Variants in NALF1 observed in about 807,000 individuals in gnomAD.
NALF1 encodes NALCN channel auxiliary factor 1.
A neutral mutation model predicts 48.4 loss-of-function variants in NALF1; 3 were observed. That is an observed-to-expected ratio of 0.06 (90% CI 0.03 to 0.16). NALF1 has a LOEUF of 0.16. Ranked by LOEUF, NALF1 falls within the 10% of genes least tolerant of loss-of-function variation. The pLI, the probability that NALF1 is intolerant of heterozygous loss-of-function variation, is 1.00. For synonymous variants in NALF1, 262 were observed against 245.7 expected (o/e 1.07, Z -0.62); for missense variants, 526 against 571.5 (o/e 0.92, Z 0.81).
At chr13:107,627,020 T>C (rs1047767648) in intron 1 of NALF1, among the ~76,000 whole-genome samples, 3 of 152,086 alleles carry the variant, frequency 2.0e-5, no homozygotes, top group Non-Finnish European at 1.5e-5. Flanking sequence ...TCTATGACAT[T>C]ATACAAGGAG....
At chr13:107,790,828 T>C (rs1189492453) in intron 1 of NALF1, among the ~76,000 whole-genome samples, 1 of 151,672 alleles carries the variant, frequency 6.6e-6, no homozygotes, top group East Asian at 1.9e-4. Context: ...AGTTATATAA[T>C]ATACAGGCTA....
intron 2 of NALF1, among the ~76,000 whole-genome samples, chr13:107,180,849 G>A (rs573106848): frequency 3.1e-4 from 47 of 151,756 alleles, no homozygotes; most frequent in Admixed American, 7.2e-4. Flanking sequence ...TTTATATGGC[G>A]TGAAATTTAT....
intron 1 of NALF1, among the ~76,000 whole-genome samples, chr13:107,223,632 C>T (rs138201986): frequency 4.4e-4 from 67 of 152,206 alleles, no homozygotes; most frequent in African/African-American, 1.5e-3. Context: ...AGAATTCCTC[C>T]CTAAAACATT....
chr13:107,611,857 G>A (rs1351846129), intron 1 of NALF1, among the ~76,000 whole-genome samples: 1 of 150,778 alleles, frequency 6.6e-6, no homozygotes, highest in African/African-American at 2.4e-5. Context: ...CAGGAGTTCG[G>A]GGTTACAGTG....
At chr13:107,832,729 C>T (rs1403078299) in intron 1 of NALF1, among the ~76,000 whole-genome samples, 1 of 152,152 alleles carries the variant, frequency 6.6e-6, no homozygotes, top group East Asian at 1.9e-4. Context: ...CCTTACAGGC[C>T]CCATCTGGTG....
At chr13:107,620,989 C>CGTGT (rs139779456) in intron 1 of NALF1, among the ~76,000 whole-genome samples, 9 of 149,808 alleles carry the variant, frequency 6.0e-5, no homozygotes, top group East Asian at 3.9e-4. Flanking sequence ...TGAGTGTGTG[C>CGTGT]GTGTGTGTGT....
At chr13:107,340,133 G>C (rs1032041383) in intron 1 of NALF1, among the ~76,000 whole-genome samples, 1 of 150,728 alleles carries the variant, frequency 6.6e-6, no homozygotes, top group Non-Finnish European at 1.5e-5. Context: ...TCCTCTGTTT[G>C]CCTGTGGTTG....
intron 1 of NALF1, among the ~76,000 whole-genome samples, chr13:107,862,726 G>C (rs1880607424): frequency 6.6e-6 from 1 of 151,672 alleles, no homozygotes; most frequent in African/African-American, 2.4e-5. Context: ...AATTTTATTA[G>C]GTCTATTCTA....
At chr13:107,612,012 AAG>A (rs1304827076) in intron 1 of NALF1, among the ~76,000 whole-genome samples, 5 of 138,356 alleles carry the variant, frequency 3.6e-5, no homozygotes, top group African/African-American at 8.1e-5. Context: ...GAGACAGGGA[AAG>A]AGAGAGAGAA....
rs756948320 is a variant in NALF1, at chr13:107,293,081, C to T, written c.916-82326G>A. Among the ~76,000 whole-genome samples the T allele has an allele frequency of 1.3e-3, 199 of 149,958 alleles. 1 individual carries two copies. Among genetic ancestry groups the T allele is most frequent in the Non-Finnish European group, 1.8e-3 (120 of 67,708 alleles). On this transcript the variant is annotated intron_variant, in intron 1 of 2. Transcript: ENST00000375915. Reference sequence around the variant, plus strand: ...CTGCAAGCTCTGCCTCCTGGGTTCACGCTATTCTCTTGCCTCAGCCTCCCG... The same window carrying T: ...CTGCAAGCTCTGCCTCCTGGGTTCATGCTATTCTCTTGCCTCAGCCTCCCG...
At chr13:107,645,805 A>G (rs9587416) in intron 1 of NALF1, among the ~76,000 whole-genome samples, 44 of 152,090 alleles carry the variant, frequency 2.9e-4, no homozygotes, top group African/African-American at 1.0e-3. Flanking sequence ...GGCACCATGT[A>G]TTGACTTTAT....
Position 107,705,431 on chromosome 13 carries a change from C to T in NALF1, c.915+160251G>A, listed in dbSNP as rs117942107. Among the ~76,000 whole-genome samples, 1,345 of 152,182 alleles carry T rather than the reference C, an allele frequency of 8.8e-3. 8 individuals carry two copies. The highest frequency in any genetic ancestry group is 0.018 in the Admixed American group (270 of 15,270). ...GCGTGCACACAGATGTATGCACTTG[C>T]TTTTAGATATATTGGCAAATTATAT... On this transcript the variant is annotated intron_variant, in intron 1 of 2. Coordinates refer to ENST00000375915, the MANE Select transcript of NALF1 (RefSeq NM_001080396.3).
chr13:107,316,468 A>G (rs911540768), intron 1 of NALF1, among the ~76,000 whole-genome samples: 10 of 152,154 alleles, frequency 6.6e-5, no homozygotes, highest in South Asian at 2.1e-4. Flanking sequence ...CTGAGGAATC[A>G]CCACACTGAC....
intron 1 of NALF1, among the ~76,000 whole-genome samples, chr13:107,561,857 A>G (rs1439217094): frequency 6.6e-6 from 1 of 152,216 alleles, no homozygotes; most frequent in Non-Finnish European, 1.5e-5. Flanking sequence ...CAGAGACAAC[A>G]TATTGCTAGC....
chr13:107,169,203 A>G lies in NALF1; in HGVS notation c.*1294T>C, dbSNP rs2138760544. The G allele has an allele frequency of 6.6e-6, 1 of 152,596 alleles. No homozygotes were observed. The highest frequency in any genetic ancestry group is 2.4e-5 in the African/African-American group (1 of 41,590). 9.5% of individuals were successfully genotyped at this position (152,596 alleles called of 1,614,324 possible). ...ATAAAGTTTTTGCACGTTAATAAAA[A>G]TGGCTGACCTATTTATTTTTTAAAA... On this transcript the variant is annotated 3_prime_UTR_variant, in exon 3 of 3. Coordinates refer to ENST00000375915, the MANE Select transcript of NALF1 (RefSeq NM_001080396.3).
chr13:107,699,206 A>T (rs1433903876), intron 1 of NALF1, among the ~76,000 whole-genome samples: 1 of 152,074 alleles, frequency 6.6e-6, no homozygotes, highest in African/African-American at 2.4e-5. Flanking sequence ...AGTAACACTA[A>T]TTTTTGTCCT....
At chr13:107,716,864 T>G (rs1875840196) in intron 1 of NALF1, among the ~76,000 whole-genome samples, 1 of 152,080 alleles carries the variant, frequency 6.6e-6, no homozygotes, top group Non-Finnish European at 1.5e-5. Context: ...CTTTACACCT[T>G]TTTTGGTTGT....
chr13:107,720,308 G>C (rs1015685791), intron 1 of NALF1, among the ~76,000 whole-genome samples: 15 of 152,084 alleles, frequency 9.9e-5, no homozygotes, highest in African/African-American at 3.1e-4. Context: ...TCAGGTGCTC[G>C]AGACCAGCCT....
intron 1 of NALF1, among the ~76,000 whole-genome samples, chr13:107,417,537 T>C (rs1884111344): frequency 6.6e-6 from 1 of 152,158 alleles, no homozygotes; most frequent in African/African-American, 2.4e-5. Context: ...CTCAATATGC[T>C]GAACTTTGTG....
Sources: gnomAD v4.1 joint callset for allele counts (sites outside exome capture counted in the v4.1 genomes callset) on GRCh38, gnomAD v4.1.1 for gene constraint, MANE v1.5 for transcripts, NCBI Gene and HGNC (gene_info 2026-07-23, HGNC 2026-07-21) for gene names.